The following DEAF1 variants were observed in gnomAD, a reference collection of about 807,000 sequenced individuals.
DEAF1 encodes the protein DEAF1 transcription factor.
In DEAF1, 53 loss-of-function variants were observed where a neutral mutation model predicts 58.9. The observed-to-expected ratio is 0.90, with a 90% confidence interval of 0.72 to 1.13. The LOEUF is 1.13. DEAF1 is among the 50% of genes most tolerant of loss of function. DEAF1 has a pLI of 0.00. For missense variants in DEAF1, 685 were observed against 791.4 expected (o/e 0.87, Z 1.61); for synonymous variants, 385 against 340.4 (o/e 1.13, Z -1.44).
intron 2 of DEAF1, among the ~76,000 whole-genome samples, 179 bp downstream of exon 2, chr11:691,322 T>TTC (rs1860823833): frequency 6.6e-6 from 1 of 152,170 alleles, no homozygotes; most frequent in South Asian, 2.1e-4. Flanking sequence ...CAGCTGTAAT[T>TTC]TCTCCCACCT....
At position 684,904 on chromosome 11, in the gene DEAF1, C is replaced by A; in HGVS notation, c.864G>T (p.Met288Ile). ...AGACACGCTGGCCACTTACTAAGGT[C>A]ATGTCGTCGCAGCAGGCAGCACAGG... ...SCTCAACCDDMTLSGPVRLFV... is the reference protein window; with the variant it reads ...SCTCAACCDDITLSGPVRLFV... The change falls in exon 6 of 12, where the codon ATG becomes ATT. Residue 288 changes from methionine (M) to isoleucine (I), a missense_variant. Coordinates refer to ENST00000382409, the MANE Select transcript of DEAF1 (RefSeq NM_021008.4). 6.4e-7 allele frequency: 1 copy of A among 1,551,496 alleles called. No homozygotes were observed. The highest frequency in any genetic ancestry group is 1.2e-5 in the South Asian group (1 of 84,048).
chr11:689,350 C>T (rs1381393757), intron 2 of DEAF1, among the ~76,000 whole-genome samples: 1 of 151,324 alleles, frequency 6.6e-6, no homozygotes, highest in African/African-American at 2.4e-5. Context: ...GGACTACACA[C>T]GCCCACCACC....
At chr11:654,323 C>T (rs569482274) in intron 10 of DEAF1, among the ~76,000 whole-genome samples, 2 of 151,154 alleles carry the variant, frequency 1.3e-5, no homozygotes, top group South Asian at 2.1e-4. Context: ...CCTGACACCA[C>T]GCCCAGCTAA....
chr11:652,205 C>T (rs1170846762), intron 11 of DEAF1, among the ~76,000 whole-genome samples: 1 of 152,172 alleles, frequency 6.6e-6, no homozygotes, highest in African/African-American at 2.4e-5. Context: ...TTTAAGAAAT[C>T]CAGAAATATT....
intron 7 of DEAF1, among the ~76,000 whole-genome samples, chr11:680,558 C>T (rs768240835): frequency 9.2e-5 from 14 of 152,198 alleles, no homozygotes; most frequent in Admixed American, 2.0e-4. Context: ...TGCAGCGAGC[C>T]GGGATCCTGA....
chr11:678,903 C>T, intron 8 of DEAF1, 81 bp from the exon 9 acceptor site: 2 of 1,578,562 alleles, frequency 1.3e-6, no homozygotes, highest in Non-Finnish European at 1.7e-6. Context: ...TATGGCTGCG[C>T]CATTCAGTAC....
At position 694,787 on chromosome 11, in the gene DEAF1, G is replaced by A. The variant is rs1319746233; in HGVS notation, c.261C>T (p.Asp87=). Residue 87 remains aspartate, a synonymous_variant, in exon 1 of 12, where the codon GAC becomes GAT. Transcript: ENST00000382409. Reference sequence around the variant, plus strand: ...CGAAGGCTGCGGCAGCGGCGGCCTCGTCGGGGCCGGGCAGGGCCTCGGCGC... The same window carrying A: ...CGAAGGCTGCGGCAGCGGCGGCCTCATCGGGGCCGGGCAGGGCCTCGGCGC... ...DMGAEALPGP[D]EAAAAAAFAE... The A allele has an allele frequency of 5.9e-6, 8 of 1,356,132 alleles. No homozygotes were observed. Among genetic ancestry groups the A allele is most frequent in the Non-Finnish European group, 7.6e-6 (8 of 1,058,616 alleles). The allele number at this position is 1,356,132 out of a possible 1,614,324, so 84.0% of individuals were successfully genotyped here. A position where few individuals can be genotyped will look rare whatever the true frequency, so the allele number is the denominator to read the frequency against.
chr11:650,203 G>A (rs918533868), intron 11 of DEAF1, among the ~76,000 whole-genome samples: 1 of 151,074 alleles, frequency 6.6e-6, no homozygotes, highest in Non-Finnish European at 1.5e-5. Flanking sequence ...GGTGAAACCC[G>A]TCTCTATTAA....
At chr11:694,220 G>GGGGGGCA (rs150831402) in intron 1 of DEAF1, among the ~76,000 whole-genome samples, 3,124 of 151,528 alleles carry the variant, frequency 0.021, 112 homozygotes, top group African/African-American at 0.073. Context: ...ACAAAGAAAA[G>GGGGGGCA]GGGGGCAGGG....
intron 11 of DEAF1, among the ~76,000 whole-genome samples, chr11:650,905 GTAAA>G (rs1208698010): frequency 6.6e-6 from 1 of 152,078 alleles, no homozygotes; most frequent in Non-Finnish European, 1.5e-5. Context: ...TGTCTCAAAA[GTAAA>G]AGATGCAAAC....
intron 1 of DEAF1, chr11:703,386 C>T (rs1861588630): frequency 1.5e-6 from 2 of 1,371,990 alleles, no homozygotes; most frequent in Non-Finnish European, 1.9e-6. Flanking sequence ...CCAGACAGAA[C>T]TGCCTTCAAG....
At chr11:706,648 G>A (rs1339372171) in exon 1 of DEAF1, 2 of 152,734 alleles carry the variant, frequency 1.3e-5, no homozygotes, top group Non-Finnish European at 2.9e-5. Flanking sequence ...TGGTGGTAGG[G>A]AGGCTTCTCC....
intron 1 of DEAF1, among the ~76,000 whole-genome samples, chr11:694,159 C>CA (rs138390112): frequency 0.014 from 2,080 of 151,958 alleles, 46 homozygotes; most frequent in African/African-American, 0.046. Flanking sequence ...TGGACGAAGG[C>CA]AGGGCAGGGG....
chr11:648,988 T>C (rs992559763), intron 11 of DEAF1, among the ~76,000 whole-genome samples: 1 of 152,206 alleles, frequency 6.6e-6, no homozygotes, highest in African/African-American at 2.4e-5. Flanking sequence ...CAGTGGCTCA[T>C]GCCTATAATC....
upstream of DEAF1, chr11:695,483 G>A: frequency 1.4e-6 from 1 of 735,472 alleles, no homozygotes. Context: ...GATTCTCGCC[G>A]GCGGCCGGCG....
At chr11:703,182 CCCT>C (rs1450548125) in intron 1 of DEAF1, 3 of 1,576,226 alleles carry the variant, frequency 1.9e-6, no homozygotes, top group East Asian at 4.6e-5. Context: ...CACACTGGGG[CCCT>C]CCTCCTGGGC....
At chr11:675,856 G>A (rs1342527598) in intron 9 of DEAF1, among the ~76,000 whole-genome samples, 2 of 151,702 alleles carry the variant, frequency 1.3e-5, no homozygotes, top group African/African-American at 4.8e-5. Flanking sequence ...ACGCAATGTT[G>A]GGAAGTCGGG....
At position 688,635 on chromosome 11, in the gene DEAF1, G is replaced by A. The variant is rs1044590490; in HGVS notation, c.388-175C>T. Among the ~76,000 whole-genome samples the A allele has an allele frequency of 2.0e-5, 3 of 152,170 alleles. No homozygotes were observed. Among genetic ancestry groups the A allele is most frequent in the Non-Finnish European group, 2.9e-5 (2 of 68,034 alleles). ...TACCTCTCAAAGACTTGAAAACAGA[G>A]CCAAGAACAAGAACAGACAATGCCG... is the stretch of plus-strand genomic sequence containing the variant. On this transcript the variant is annotated intron_variant, in intron 2 of 11. Transcript: ENST00000382409. The surrounding 1 kb of genome is among the most constrained non-coding windows in gnomAD (Gnocchi z 4.3).
chr11:649,498 T>C (rs1858664215), intron 11 of DEAF1, among the ~76,000 whole-genome samples: 1 of 151,316 alleles, frequency 6.6e-6, no homozygotes, highest in Admixed American at 6.6e-5. Flanking sequence ...GGCGGGCGGA[T>C]CACTTGAGGT....
Sources: allele counts gnomAD v4.1 joint callset (sites outside exome capture counted in the v4.1 genomes callset), GRCh38; gene constraint gnomAD v4.1.1; non-coding constraint Gnocchi (gnomAD v3.1); transcripts MANE v1.5; gene names NCBI Gene and HGNC (gene_info 2026-07-23, HGNC 2026-07-21).